GOLGA3: variants seen among roughly 807,000 people sequenced by gnomAD.
GOLGA3 encodes golgin A3.
In GOLGA3, 75 loss-of-function variants were observed where a neutral mutation model predicts 169.4. The ratio of observed to expected loss-of-function variants is 0.44; its 90% CI spans 0.37 to 0.54. The LOEUF (loss-of-function observed/expected upper bound fraction) is 0.54, where lower values mean the gene tolerates loss of function less well. GOLGA3 is among the 20% of genes least tolerant of loss of function. The pLI, the probability that GOLGA3 is intolerant of heterozygous loss-of-function variation, is 0.00. For missense variants in GOLGA3, 1,899 were observed against 1,930.0 expected (o/e 0.98, Z 0.30); for synonymous variants, 824 against 822.4 (o/e 1.00, Z -0.03).
intron 1 of GOLGA3, 51 bp downstream of exon 1, chr12:132,828,752 G>C (rs1950529141): frequency 6.9e-6 from 1 of 144,644 alleles, no homozygotes; most frequent in South Asian, 2.1e-4. Context: ...GGGAGCGGGA[G>C]CGGGAGCGGG....
chr12:132,799,024 C>A (rs1049951705), intron 8 of GOLGA3, among the ~76,000 whole-genome samples: 1 of 152,206 alleles, frequency 6.6e-6, no homozygotes, highest in African/African-American at 2.4e-5. Flanking sequence ...CGGCGTCAGC[C>A]AAGGGAAGTA....
Position 132,777,025 on chromosome 12 carries a change from G to A in GOLGA3, c.3788C>T (p.Ala1263Val), listed in dbSNP as rs374162486. 36 of 1,611,772 alleles carry A rather than the reference G, an allele frequency of 2.2e-5. No homozygotes were observed. Among genetic ancestry groups the A allele is most frequent in the Non-Finnish European group, 3.0e-5 (35 of 1,179,064 alleles). Residue 1263 changes from alanine to valine, a missense_variant, in exon 20 of 24, where the codon GCA becomes GTA. Ala to Val is a moderately conservative substitution (Grantham distance 64). Transcript: ENST00000450791. The surrounding 1 kb of genome is among the most constrained non-coding windows in gnomAD (Gnocchi z 4.7). ...CTGCTTCTGCAGGAGCTGGAGCTGTGCCCGGGCCTCGGCCAGCTCTGCTTG... is the reference window on the plus strand; with the variant it reads ...CTGCTTCTGCAGGAGCTGGAGCTGTACCCGGGCCTCGGCCAGCTCTGCTTG... ...QFQAELAEAR[A>V]QLQLLQKQLD...
Position 132,789,085 on chromosome 12 carries a change from A to C in GOLGA3, c.2753T>G (p.Leu918Arg). 1.9e-6 allele frequency: 3 copies of C among 1,611,120 alleles called. No individual in the cohort carries two copies. Among genetic ancestry groups the C allele is most frequent in the Non-Finnish European group, 1.7e-6 (2 of 1,178,602 alleles). Reference protein sequence around the residue: ...VAQVRQHMADLEGHLQSAQKE... With the variant: ...VAQVRQHMADREGHLQSAQKE... ...CTGCGCCGACTGGAGATGCCCTTCAAGGTCCGCCATGTGCTGACGGACCTG... is the reference window on the plus strand; with the variant it reads ...CTGCGCCGACTGGAGATGCCCTTCACGGTCCGCCATGTGCTGACGGACCTG... The change falls in exon 13 of 24, where the codon CTT (leucine) becomes CGT (arginine). Residue 918 changes from leucine to arginine, a missense_variant. Physicochemically the swap from Leu to Arg is moderately radical, Grantham distance 102. Transcript: ENST00000450791.
chr12:132,786,559 G>A lies in GOLGA3; in HGVS notation c.2907-4C>T. 6.2e-7 allele frequency: 1 copy of A among 1,613,270 alleles called. No homozygotes were observed. The highest frequency in any genetic ancestry group is 8.5e-7 in the Non-Finnish European group (1 of 1,179,578). On this transcript the variant is annotated splice_polypyrimidine_tract_variant and splice_region_variant and intron_variant, in intron 14 of 23. Coordinates refer to ENST00000450791, the MANE Select transcript of GOLGA3 (RefSeq NM_001389683.1). The stretch of plus-strand genomic sequence containing the variant: ...CTGCTTCTGTTCCGTGATGGCCCTG[G>A]GGTGTCATGAGGGAGACACAGGAGG...
rs1449796323 is a variant in GOLGA3 at position 132,822,192 on chromosome 12, C to T, written c.-64G>A. On this transcript the variant is annotated 5_prime_UTR_variant, in exon 2 of 24. Coordinates refer to ENST00000450791, the MANE Select transcript of GOLGA3 (RefSeq NM_001389683.1). ...ACAAGTGAACCTTGGACAAGCTTGG[C>T]TTCTGCCATCAGCAACAGCCAAGAG... The T allele has an allele frequency of 6.5e-6, 10 of 1,538,710 alleles. No homozygotes were observed. Among genetic ancestry groups the T allele is most frequent in the Non-Finnish European group, 8.7e-6 (10 of 1,154,178 alleles).
chr12:132,811,275 G>C (rs1055182671), intron 4 of GOLGA3, among the ~76,000 whole-genome samples: 1 of 152,100 alleles, frequency 6.6e-6, no homozygotes, highest in Non-Finnish European at 1.5e-5. Context: ...TCCGCACACA[G>C]GGAGAAAACC....
In GOLGA3 at chr12:132,777,175, A is replaced by T. The variant is rs926558639; in HGVS notation, c.3723-85T>A. 1 of 1,449,154 alleles carries T rather than the reference A, an allele frequency of 6.9e-7. No individual in the cohort carries two copies. Among genetic ancestry groups the T allele is most frequent in the Non-Finnish European group, 9.3e-7 (1 of 1,075,556 alleles). 89.8% of individuals were successfully genotyped at this position (1,449,154 alleles called of 1,614,324 possible). A position where few individuals can be genotyped will look rare whatever the true frequency, so the allele number is the denominator to read the frequency against. ...CCCGCTGGGAAATGCTGCCTGTGGA[A>T]GGCGTTCGTCCTGGCAGGCCCTCTG... On this transcript the variant is annotated intron_variant, in intron 19 of 23. Coordinates refer to ENST00000450791, the MANE Select transcript of GOLGA3 (RefSeq NM_001389683.1). The surrounding 1 kb of genome is among the most constrained non-coding windows in gnomAD (Gnocchi z 4.7).
intron 2 of GOLGA3, among the ~76,000 whole-genome samples, chr12:132,818,385 C>T (rs1322966349): frequency 6.6e-6 from 1 of 152,160 alleles, no homozygotes; most frequent in Non-Finnish European, 1.5e-5. Context: ...TCAGCCTCCC[C>T]AGTAGCTGGG....
chr12:132,795,877 T>C lies in GOLGA3; in HGVS notation c.2444A>G (p.Glu815Gly). Reference protein sequence around the residue: ...ETSETLEKLREELAIKSGQVE... With the variant: ...ETSETLEKLRGELAIKSGQVE... ...CTGGCCGGATTTGATAGCTAATTCTTCTCTTAACTTCTCTAAAGTTTCCGA... is the reference window on the plus strand; with the variant it reads ...CTGGCCGGATTTGATAGCTAATTCTCCTCTTAACTTCTCTAAAGTTTCCGA... The change falls in exon 11 of 24, where the codon GAA (glutamate) becomes GGA (glycine). Residue 815 changes from glutamate to glycine, a missense_variant. Physicochemically the swap from Glu to Gly is moderately conservative, Grantham distance 98. Transcript: ENST00000450791. 6.2e-7 allele frequency: 1 copy of C among 1,613,548 alleles called. No individual in the cohort carries two copies.
chr12:132,813,285 T>C (rs1949805374), intron 4 of GOLGA3, 22 bp downstream of exon 4: 1 of 1,499,016 alleles, frequency 6.7e-7, no homozygotes, highest in African/African-American at 1.4e-5. Context: ...TCCATGAGCT[T>C]GTTCGGGAGA....
At chr12:132,809,637 C>A (rs1217544222) in intron 4 of GOLGA3, among the ~76,000 whole-genome samples, 1 of 152,186 alleles carries the variant, frequency 6.6e-6, no homozygotes, top group Non-Finnish European at 1.5e-5. Context: ...TCTGGTCACA[C>A]CTCACTATGT....
At chr12:132,821,333 G>C (rs1325183543) in intron 2 of GOLGA3, among the ~76,000 whole-genome samples, 1 of 151,836 alleles carries the variant, frequency 6.6e-6, no homozygotes, top group Non-Finnish European at 1.5e-5. Flanking sequence ...CTTGAACCCG[G>C]GAAGTGGAGG....
chr12:132,773,001 A>C lies in GOLGA3; in HGVS notation c.*104T>G. On this transcript the variant is annotated 3_prime_UTR_variant, in exon 24 of 24. Transcript: ENST00000450791. ...TTACTTCTTGTTAAAGGCAAAACAA[A>C]ACTTAAATTTCATGTCTTAGAAAAA... is the stretch of plus-strand genomic sequence containing the variant. The C allele has an allele frequency of 1.1e-6, 1 of 880,452 alleles. No homozygotes were observed. The highest frequency in any genetic ancestry group is 1.9e-5 in the South Asian group (1 of 51,956). The allele number at this position is 880,452 out of a possible 1,614,324, so 54.5% of individuals were successfully genotyped here.
chr12:132,796,479 T>C, intron 10 of GOLGA3, 60 bp downstream of exon 10: 1 of 1,548,458 alleles, frequency 6.5e-7, no homozygotes, highest in Non-Finnish European at 8.7e-7. Context: ...TTGTGTGCAG[T>C]CCTGGCTGCT....
chr12:132,799,616 C>T (rs947899050), intron 8 of GOLGA3, among the ~76,000 whole-genome samples: 6 of 152,186 alleles, frequency 3.9e-5, no homozygotes, highest in African/African-American at 1.4e-4. Context: ...TTCCAGCAGC[C>T]TGGGTGACAG....
intron 7 of GOLGA3, among the ~76,000 whole-genome samples, chr12:132,802,196 T>C (rs1949159548): frequency 6.6e-6 from 1 of 152,284 alleles, no homozygotes; most frequent in African/African-American, 2.4e-5. Flanking sequence ...TGCAGGCCTC[T>C]GCTCACAGCA....
rs771282081 is a variant in GOLGA3 at position 132,786,561 on chromosome 12, G to A, written c.2907-6C>T. On this transcript the variant is annotated splice_polypyrimidine_tract_variant and splice_region_variant and intron_variant, in intron 14 of 23. Coordinates refer to ENST00000450791, the MANE Select transcript of GOLGA3 (RefSeq NM_001389683.1). The stretch of plus-strand genomic sequence containing the variant: ...GCTTCTGTTCCGTGATGGCCCTGGG[G>A]TGTCATGAGGGAGACACAGGAGGAA... 6.2e-7 allele frequency: 1 copy of A among 1,612,950 alleles called. No homozygotes were observed. The highest frequency in any genetic ancestry group is 1.1e-5 in the South Asian group (1 of 91,044).
intron 23 of GOLGA3, among the ~76,000 whole-genome samples, chr12:132,773,777 CCGCAGAGG>C (rs1566062906): frequency 6.2e-5 from 9 of 146,008 alleles, no homozygotes; most frequent in Middle Eastern, 3.7e-3. Flanking sequence ...TTTATATAAA[CCGCAGAGG>C]CTGTGTGAGT....
chr12:132,791,206 A>T lies in GOLGA3; in HGVS notation c.2547+10T>A, dbSNP rs974213110. 1.8e-5 allele frequency: 27 copies of T among 1,535,600 alleles called. No homozygotes were observed. The highest frequency in any genetic ancestry group is 2.3e-5 in the Non-Finnish European group (25 of 1,109,556). On this transcript the variant is annotated intron_variant, in intron 12 of 23. Coordinates refer to ENST00000450791, the MANE Select transcript of GOLGA3 (RefSeq NM_001389683.1). Reference sequence around the variant, plus strand: ...TGTTTCAAGTGAAGAAATCAACAACAGATTTTTACCTTTTGTTGGAGAAAC... The same window carrying T: ...TGTTTCAAGTGAAGAAATCAACAACTGATTTTTACCTTTTGTTGGAGAAAC...
Sources: allele counts gnomAD v4.1 joint callset (sites outside exome capture counted in the v4.1 genomes callset), GRCh38; gene constraint gnomAD v4.1.1; non-coding constraint Gnocchi (gnomAD v3.1); transcripts MANE v1.5; gene names NCBI Gene and HGNC (gene_info 2026-07-23, HGNC 2026-07-21).